The following RBKS variants were observed in gnomAD, a reference collection of about 807,000 sequenced individuals.
RBKS encodes the protein ribokinase.
A neutral mutation model predicts 33.9 loss-of-function variants in RBKS; 33 were observed. The observed-to-expected ratio is 0.97, with a 90% confidence interval of 0.74 to 1.30. The LOEUF is 1.30. Ranked by LOEUF, RBKS falls within the 50% of genes most tolerant of loss-of-function variation. The probability of loss-of-function intolerance (pLI) is 0.00; values close to 1 mark genes in which losing one functional copy is unlikely to be tolerated. For missense variants in RBKS, 361 were observed against 392.6 expected (o/e 0.92, Z 0.68); for synonymous variants, 125 against 143.0 (o/e 0.87, Z 0.90).
At chr2:27,854,114 T>C (rs1663803316) in intron 2 of RBKS, among the ~76,000 whole-genome samples, 1 of 152,214 alleles carries the variant, frequency 6.6e-6, no homozygotes, top group Non-Finnish European at 1.5e-5. Flanking sequence ...CCTTTTCTTG[T>C]TTTCAATCCA....
intron 7 of RBKS, among the ~76,000 whole-genome samples, chr2:27,807,273 C>T (rs1677914050): frequency 6.6e-6 from 1 of 152,150 alleles, no homozygotes; most frequent in African/African-American, 2.4e-5. Flanking sequence ...TTATTCTCAG[C>T]TTAGGAAAAA....
intron 7 of RBKS, among the ~76,000 whole-genome samples, chr2:27,783,877 A>T (rs1390750312): frequency 1.4e-5 from 2 of 138,848 alleles, no homozygotes; most frequent in African/African-American, 5.3e-5. Flanking sequence ...ACTGCACTCC[A>T]GCCTGGGCGA....
intron 6 of RBKS, among the ~76,000 whole-genome samples, chr2:27,829,363 GTT>G (rs35216618): frequency 8.4e-5 from 9 of 107,354 alleles, no homozygotes; most frequent in African/African-American, 1.1e-4. Context: ...GCTTTTCAGT[GTT>G]TTTTTTTTTT....
chr2:27,843,314 C>T lies in RBKS; in HGVS notation c.350-83G>A, dbSNP rs541910828. On this transcript the variant is annotated intron_variant, in intron 4 of 7. Transcript: ENST00000302188. ...CTGCAGTGTTATGAATACAATCGCC[C>T]TTGTAAAGTCATTATACAAAATGTG... 2.6e-5 allele frequency: 26 copies of T among 1,012,922 alleles called. No individual in the cohort carries two copies. The African/African-American group carries it at 3.9e-4, about 15-fold the overall frequency. 62.7% of individuals were successfully genotyped at this position (1,012,922 alleles called of 1,614,324 possible).
chr2:27,812,672 A>G (rs1012153227), intron 7 of RBKS, among the ~76,000 whole-genome samples: 2 of 152,272 alleles, frequency 1.3e-5, no homozygotes, highest in South Asian at 2.1e-4. Flanking sequence ...ACACTTGGAC[A>G]CAGGAAGGGG....
chr2:27,859,107 G>A (rs1663920544), intron 1 of RBKS, among the ~76,000 whole-genome samples: 1 of 152,152 alleles, frequency 6.6e-6, no homozygotes, highest in African/African-American at 2.4e-5. Context: ...GGTAGAGTAA[G>A]AGTGGGGTGT....
chr2:27,803,968 G>A (rs1218919210), intron 7 of RBKS, among the ~76,000 whole-genome samples: 2 of 152,050 alleles, frequency 1.3e-5, no homozygotes, highest in African/African-American at 4.8e-5. Flanking sequence ...CTTGAACCCG[G>A]GAGGTGGAGG....
At chr2:27,868,823 T>C (rs1299860592) in intron 1 of RBKS, among the ~76,000 whole-genome samples, 1 of 152,222 alleles carries the variant, frequency 6.6e-6, no homozygotes, top group African/African-American at 2.4e-5. Flanking sequence ...ATTCAAATCC[T>C]TTAAAATTCA....
At chr2:27,799,356 C>T (rs1474330254) in intron 7 of RBKS, among the ~76,000 whole-genome samples, 4 of 152,190 alleles carry the variant, frequency 2.6e-5, no homozygotes, top group Admixed American at 6.5e-5. Context: ...TCCGTACCCA[C>T]GCTGAATGAG....
At chr2:27,789,424 G>T (rs1677466149) in intron 7 of RBKS, among the ~76,000 whole-genome samples, 1 of 142,240 alleles carries the variant, frequency 7.0e-6, no homozygotes. Context: ...TTTTGAGATA[G>T]GTCTCACTCT....
At chr2:27,824,862 A>G (rs1005271887) in intron 7 of RBKS, among the ~76,000 whole-genome samples, 4 of 152,190 alleles carry the variant, frequency 2.6e-5, no homozygotes, top group African/African-American at 7.2e-5. Context: ...AGGGTTGGGC[A>G]TGGTGGCTCA....
At chr2:27,788,047 TA>T (rs1489895771) in intron 7 of RBKS, among the ~76,000 whole-genome samples, 1 of 152,198 alleles carries the variant, frequency 6.6e-6, no homozygotes, top group Non-Finnish European at 1.5e-5. Context: ...TCATTCATGA[TA>T]AAAGTTCAGC....
chr2:27,885,258 C>G (rs1664506359), intron 1 of RBKS, among the ~76,000 whole-genome samples: 1 of 152,214 alleles, frequency 6.6e-6, no homozygotes, highest in South Asian at 2.1e-4. Flanking sequence ...AAGCTACCAT[C>G]ATTTCTTGCC....
At chr2:27,844,497 A>C (rs573259128) in intron 4 of RBKS, among the ~76,000 whole-genome samples, 1 of 151,396 alleles carries the variant, frequency 6.6e-6, no homozygotes, top group African/African-American at 2.4e-5. Flanking sequence ...GGTTCAATCA[A>C]CTCTCCCACC....
chr2:27,860,459 T>G (rs980921627), intron 1 of RBKS, among the ~76,000 whole-genome samples: 1 of 152,244 alleles, frequency 6.6e-6, no homozygotes, highest in Admixed American at 6.5e-5. Context: ...TTAGTAAGAC[T>G]GTCACTAAAG....
intron 6 of RBKS, among the ~76,000 whole-genome samples, chr2:27,829,414 G>A (rs1185087959): frequency 6.8e-6 from 1 of 147,030 alleles, no homozygotes; most frequent in Non-Finnish European, 1.5e-5. Context: ...TGTCACCCAG[G>A]CTGAAGTGCA....
rs984209299 is a variant in RBKS at position 27,781,525 on chromosome 2, C to T, written c.*90G>A. On this transcript the variant is annotated 3_prime_UTR_variant, in exon 8 of 8. Transcript: ENST00000302188. ...AACTAATATTTGCAAAGAAAGGGGACGAGGACATTTTCTAATAAGCATTAG... is the reference window on the plus strand; with the variant it reads ...AACTAATATTTGCAAAGAAAGGGGATGAGGACATTTTCTAATAAGCATTAG... 2.0e-5 allele frequency: 20 copies of T among 1,004,334 alleles called. No individual in the cohort carries two copies. The highest frequency in any genetic ancestry group is 1.3e-4 in the African/African-American group (8 of 60,302). The allele number at this position is 1,004,334 out of a possible 1,614,324, so 62.2% of individuals were successfully genotyped here. A position where few individuals can be genotyped will look rare whatever the true frequency, so the allele number is the denominator to read the frequency against.
intron 4 of RBKS, among the ~76,000 whole-genome samples, chr2:27,844,339 T>C (rs1052253511): frequency 3.3e-5 from 5 of 150,824 alleles, no homozygotes; most frequent in African/African-American, 4.9e-5. Context: ...ATTTCAAAGA[T>C]AGTACAAAGG....
chr2:27,857,200 C>A lies in RBKS; in HGVS notation c.222+1239G>T, dbSNP rs117299856. 1.2e-3 allele frequency among the ~76,000 whole-genome samples: 185 copies of A among 152,290 alleles called. 3 individuals are homozygous for A. The East Asian group carries it at 0.027, about 22-fold the overall frequency. ...TTTCGAGAATTTTTGGTAAAATCTA[C>A]ATAGTTCACAGGAGAAAGCTCATTC... On this transcript the variant is annotated intron_variant, in intron 2 of 7. Coordinates refer to ENST00000302188, the MANE Select transcript of RBKS (RefSeq NM_022128.3).
Sources: allele counts gnomAD v4.1 joint callset (sites outside exome capture counted in the v4.1 genomes callset), GRCh38; gene constraint gnomAD v4.1.1; transcripts MANE v1.5; gene names NCBI Gene and HGNC (gene_info 2026-07-23, HGNC 2026-07-21).